The following UBA2 variants were observed in gnomAD, a reference collection of about 807,000 sequenced individuals.
UBA2 encodes the protein ubiquitin like modifier activating enzyme 2, also known as SUMO-activating enzyme subunit 2.
A neutral mutation model predicts 77.2 loss-of-function variants in UBA2; 11 were observed. The observed-to-expected ratio is 0.14, with a 90% CI of 0.09 to 0.24. The LOEUF (loss-of-function observed/expected upper bound fraction) is 0.24. UBA2 is among the 10% of genes least tolerant of loss of function. UBA2 has a pLI of 1.00. For missense variants in UBA2, 487 were observed against 781.7 expected, an observed-to-expected ratio of 0.62 and a Z score of 4.50; for synonymous variants, 278 against 276.7, an observed-to-expected ratio of 1.00 and a Z score of -0.05.
chr19:34,445,978 T>G (rs2075425932), intron 8 of UBA2, among the ~76,000 whole-genome samples: 1 of 152,164 alleles, frequency 6.6e-6, no homozygotes, highest in Non-Finnish European at 1.5e-5. Flanking sequence ...TTTTGTTCTG[T>G]CTTGACTCCC....
At chr19:34,466,526 G>T (rs1428345554) in intron 15 of UBA2, among the ~76,000 whole-genome samples, 1 of 152,170 alleles carries the variant, frequency 6.6e-6, no homozygotes, top group African/African-American at 2.4e-5. Flanking sequence ...ATTTGAAAGT[G>T]CATGTAGAGT....
intron 12 of UBA2, among the ~76,000 whole-genome samples, chr19:34,458,056 G>A (rs927245961): frequency 3.3e-5 from 5 of 152,166 alleles, no homozygotes; most frequent in Admixed American, 1.3e-4. Flanking sequence ...AGAAATTAAT[G>A]TGTTGGTCTT....
At chr19:34,450,978 A>T (rs922754991) in intron 9 of UBA2, among the ~76,000 whole-genome samples, 1 of 151,772 alleles carries the variant, frequency 6.6e-6, no homozygotes, top group Non-Finnish European at 1.5e-5. Flanking sequence ...TTAATGTAAA[A>T]TTTTTTTAAT....
At chr19:34,430,538 A>C in intron 1 of UBA2, 38 bp from the exon 2 acceptor site, 2 of 1,480,830 alleles carry the variant, frequency 1.4e-6, no homozygotes, top group South Asian at 1.1e-5. Flanking sequence ...AAACATACGT[A>C]AACGTTTGTC....
rs917452897 is a variant in UBA2, at chr19:34,434,524, T to C, written c.359-344T>C. On this transcript the variant is annotated intron_variant, in intron 4 of 16. Transcript: ENST00000246548. ...GCCTTCATTTCTATCATGTATTATC[T>C]GCTAGTTATATTAGAATAGTGGTGA... Among the ~76,000 whole-genome samples the C allele has an allele frequency of 6.6e-5, 10 of 152,230 alleles. No individual in the cohort carries two copies. In the East Asian group the frequency reaches 1.9e-3, roughly 29 times the overall value.
intron 15 of UBA2, among the ~76,000 whole-genome samples, chr19:34,465,177 G>A (rs2075674405): frequency 6.6e-6 from 1 of 152,188 alleles, no homozygotes; most frequent in Non-Finnish European, 1.5e-5. Flanking sequence ...AACTGTGCCT[G>A]ACTTGAGATT....
In UBA2 at chr19:34,433,339, G is replaced by T. The variant is rs1245759579; in HGVS notation, c.294-9G>T. 2 of 1,604,800 alleles carry T rather than the reference G, an allele frequency of 1.2e-6. No homozygotes were observed. Among genetic ancestry groups the T allele is most frequent in the African/African-American group, 1.3e-5 (1 of 74,500 alleles). On this transcript the variant is annotated splice_polypyrimidine_tract_variant and intron_variant, in intron 3 of 16. Coordinates refer to ENST00000246548, the MANE Select transcript of UBA2 (RefSeq NM_005499.3). ...TATTTTGGTGACCTTTTTTTATTTT[G>T]TTTTGTAGCCCTGACTATAATGTGG... is the stretch of plus-strand genomic sequence containing the variant.
intron 9 of UBA2, among the ~76,000 whole-genome samples, chr19:34,450,839 A>T: frequency 6.9e-6 from 1 of 145,212 alleles, no homozygotes; most frequent in East Asian, 2.0e-4. Context: ...ACCTGGGTTC[A>T]AGCGATTCTC....
intron 2 of UBA2, 55 bp downstream of exon 2, chr19:34,430,714 A>T: frequency 7.1e-7 from 1 of 1,402,334 alleles, no homozygotes; most frequent in Non-Finnish European, 1.0e-6. Context: ...TATTTGTGAT[A>T]CCAGATTAAT....
At chr19:34,463,559 T>C (rs544380254) in intron 14 of UBA2, among the ~76,000 whole-genome samples, 1 of 139,300 alleles carries the variant, frequency 7.2e-6, no homozygotes, top group East Asian at 2.2e-4. Context: ...CCCTGATGTC[T>C]CTGTCCAGAT....
intron 13 of UBA2, 112 bp from the exon 14 acceptor site, chr19:34,460,358 C>G: frequency 1.4e-6 from 1 of 733,042 alleles, no homozygotes; most frequent in Non-Finnish European, 2.2e-6. Context: ...GTGACTTCGC[C>G]GGTTTCCAAT....
chr19:34,458,712 A>G lies in UBA2; in HGVS notation c.1246-57A>G, dbSNP rs189879907. 3.1e-4 allele frequency: 460 copies of G among 1,480,900 alleles called. 1 individual carries two copies. The African/African-American group carries it at 5.3e-3, about 17-fold the overall frequency. The allele number at this position is 1,480,900 out of a possible 1,614,324, so 91.7% of individuals were successfully genotyped here. ...TCTGGTAAACGAGATTTTAGATTGT[A>G]TGGCGTATAAAATTACAGCACGTTT... On this transcript the variant is annotated intron_variant, in intron 12 of 16. Transcript: ENST00000246548.
At position 34,428,528 on chromosome 19, in the gene UBA2, C is replaced by G. The variant is rs748704311; in HGVS notation, c.96C>G (p.Leu32=). ...GGGCGGGCGGCATCGGCTGCGAGCTCCTCAAGAATCTCGTGCTCACCGGTT... is the reference window on the plus strand; with the variant it reads ...GGGCGGGCGGCATCGGCTGCGAGCTGCTCAAGAATCTCGTGCTCACCGGTT... The part of the protein sequence containing the change: ...VVGAGGIGCE[L]LKNLVLTGFS... The change falls in exon 1 of 17, where the codon CTC becomes CTG. Residue 32 remains leucine, a synonymous_variant. Coordinates refer to ENST00000246548, the MANE Select transcript of UBA2 (RefSeq NM_005499.3). 6.9e-6 allele frequency: 9 copies of G among 1,306,396 alleles called. No individual in the cohort carries two copies. Among genetic ancestry groups the G allele is most frequent in the Non-Finnish European group, 8.8e-6 (9 of 1,019,620 alleles). The allele number at this position is 1,306,396 out of a possible 1,614,324, so 80.9% of individuals were successfully genotyped here.
At chr19:34,428,989 G>A (rs550804512) in intron 1 of UBA2, 261 of 985,830 alleles carry the variant, frequency 2.6e-4, no homozygotes, top group Non-Finnish European at 3.0e-4. Flanking sequence ...GCGGGGCGGA[G>A]GATGGCAATG....
chr19:34,461,351 G>A (rs1212148077), intron 14 of UBA2, among the ~76,000 whole-genome samples: 1 of 152,122 alleles, frequency 6.6e-6, no homozygotes, highest in Non-Finnish European at 1.5e-5. Flanking sequence ...TTTAAATTCA[G>A]GTTTAGTGTC....
At chr19:34,429,133 C>T in intron 1 of UBA2, 2 of 981,958 alleles carry the variant, frequency 2.0e-6, no homozygotes, top group South Asian at 9.4e-5. Flanking sequence ...GAAAGGGAGA[C>T]GCAATGGGGT....
chr19:34,437,200 G>C (rs1477456161), intron 5 of UBA2, among the ~76,000 whole-genome samples: 1 of 151,624 alleles, frequency 6.6e-6, no homozygotes. Context: ...GACCTCAGGT[G>C]ATCCGCCTGC....
At chr19:34,450,180 T>C (rs909674383) in intron 8 of UBA2, 85 bp from the exon 9 acceptor site, 3 of 887,204 alleles carry the variant, frequency 3.4e-6, no homozygotes, top group African/African-American at 1.7e-5. Context: ...GATTTCATAG[T>C]GTAATATAGA....
chr19:34,452,562 AAGAC>A (rs1302735181), intron 10 of UBA2, among the ~76,000 whole-genome samples: 1 of 152,238 alleles, frequency 6.6e-6, no homozygotes, highest in African/African-American at 2.4e-5. Context: ...AGAGGTCTGA[AAGAC>A]AGAGCTCTTG....
Sources: gnomAD v4.1 joint callset for allele counts (sites outside exome capture counted in the v4.1 genomes callset) on GRCh38, gnomAD v4.1.1 for gene constraint, MANE v1.5 for transcripts, NCBI Gene and HGNC (gene_info 2026-07-23, HGNC 2026-07-21) for gene names.